The following GALNT18 variants were observed in gnomAD, a reference collection of about 807,000 sequenced individuals.
The protein encoded by GALNT18 is polypeptide N-acetylgalactosaminyltransferase 18.
In GALNT18, 44 loss-of-function variants were observed where a neutral mutation model predicts 69.5. The ratio of observed to expected loss-of-function variants is 0.63; its 90% confidence interval spans 0.50 to 0.81. The LOEUF (loss-of-function observed/expected upper bound fraction) is 0.81. Among genes scored for constraint, GALNT18 ranks in the 40% least tolerant of loss-of-function variants. The pLI, the probability that GALNT18 is intolerant of heterozygous loss-of-function variation, is 0.00. For missense variants in GALNT18, 715 were observed against 810.0 expected, an observed-to-expected ratio of 0.88 and a Z score of 1.42; for synonymous variants, 364 against 318.2, an observed-to-expected ratio of 1.14 and a Z score of -1.53.
In GALNT18 at chr11:11,603,678, T is replaced by G. The variant is rs987032315; in HGVS notation, c.235+17681A>C. On this transcript the variant is annotated intron_variant, in intron 1 of 10. Coordinates refer to ENST00000227756, the MANE Select transcript of GALNT18 (RefSeq NM_198516.3). This position sits in a 1 kb window ranked among gnomAD's most constrained non-coding sequence, Gnocchi z 4.5. The stretch of plus-strand genomic sequence containing the variant: ...AACTCATTTTCTCTCCCTAAAAAGA[T>G]CTATGGATTTTATTGGATCCAGTGT... 6.6e-6 allele frequency among the ~76,000 whole-genome samples: 1 copy of G among 152,198 alleles called. No homozygotes were observed. The highest frequency in any genetic ancestry group is 2.4e-5 in the African/African-American group (1 of 41,456).
Position 11,301,252 on chromosome 11 carries a change from T to C in GALNT18, c.1513-8059A>G, listed in dbSNP as rs368369050. ...GGGAAGAAGGAAGGGAGCCTTGCTTTATTAAATTTCAATTTACAGAGTGCT... is the reference window on the plus strand; with the variant it reads ...GGGAAGAAGGAAGGGAGCCTTGCTTCATTAAATTTCAATTTACAGAGTGCT... On this transcript the variant is annotated intron_variant, in intron 9 of 10. Coordinates refer to ENST00000227756, the MANE Select transcript of GALNT18 (RefSeq NM_198516.3). Among the ~76,000 whole-genome samples, 937 of 152,294 alleles carry C rather than the reference T, an allele frequency of 6.2e-3. 8 individuals carry two copies. The highest frequency in any genetic ancestry group is 0.021 in the African/African-American group (889 of 41,572).
rs1018276593 is a variant in GALNT18 at position 11,538,922 on chromosome 11, C to T, written c.235+82437G>A. Among the ~76,000 whole-genome samples, 2 of 152,070 alleles carry T rather than the reference C, an allele frequency of 1.3e-5. No individual in the cohort carries two copies. Among genetic ancestry groups the T allele is most frequent in the African/African-American group, 4.8e-5 (2 of 41,424 alleles). ...AAAAGATGCTTTGTCAACAGAGGTG[C>T]CCCCCAGATCCCTGGGTGCCGTGGG... is the stretch of plus-strand genomic sequence containing the variant. On this transcript the variant is annotated intron_variant, in intron 1 of 10. Coordinates refer to ENST00000227756, the MANE Select transcript of GALNT18 (RefSeq NM_198516.3). The surrounding 1 kb of genome is among the most constrained non-coding windows in gnomAD (Gnocchi z 5.2).
chr11:11,343,550 G>A (rs922021434), intron 6 of GALNT18, among the ~76,000 whole-genome samples: 3 of 152,090 alleles, frequency 2.0e-5, no homozygotes, highest in Non-Finnish European at 2.9e-5. Flanking sequence ...GAAGGTGGCG[G>A]TGAAGGCCCC....
At chr11:11,537,312 T>A (rs1449421549) in intron 1 of GALNT18, among the ~76,000 whole-genome samples, 18 of 152,008 alleles carry the variant, frequency 1.2e-4, no homozygotes, top group Non-Finnish European at 4.4e-5. Context: ...CAAATAAAGA[T>A]AAATATATTG....
At chr11:11,492,855 T>C (rs1201338566) in intron 1 of GALNT18, among the ~76,000 whole-genome samples, 1 of 152,120 alleles carries the variant, frequency 6.6e-6, no homozygotes, top group Non-Finnish European at 1.5e-5. Context: ...AAGGCACATG[T>C]ATACCTATGT....
In GALNT18 at chr11:11,404,290, C is replaced by T. The variant is rs566472725; in HGVS notation, c.596-25026G>A. 6.6e-6 allele frequency among the ~76,000 whole-genome samples: 1 copy of T among 152,318 alleles called. No individual in the cohort carries two copies. The highest frequency in any genetic ancestry group is 1.9e-4 in the East Asian group (1 of 5,176). ...GAGCCCTGGGCTTCAGTGCCAATGC[C>T]TCTGCCTCACCATCCATCTGTGAAT... On this transcript the variant is annotated intron_variant, in intron 3 of 10. Transcript: ENST00000227756. This position sits in a 1 kb window ranked among gnomAD's most constrained non-coding sequence, Gnocchi z 4.5.
rs1860150027 is a variant in GALNT18 at position 11,620,047 on chromosome 11, G to A, written c.235+1312C>T. 6.6e-6 allele frequency among the ~76,000 whole-genome samples: 1 copy of A among 151,912 alleles called. No individual in the cohort carries two copies. The highest frequency in any genetic ancestry group is 1.5e-5 in the Non-Finnish European group (1 of 67,954). On this transcript the variant is annotated intron_variant, in intron 1 of 10. Coordinates refer to ENST00000227756, the MANE Select transcript of GALNT18 (RefSeq NM_198516.3). The surrounding 1 kb of genome is among the most constrained non-coding windows in gnomAD (Gnocchi z 6.9). ...ACCTGGGGAAACACCAAATTCAGAC[G>A]GAGGAGCCATCTCTACTCTGGCAAG... is the stretch of plus-strand genomic sequence containing the variant.
At chr11:11,364,668 T>G (rs138495292) in intron 6 of GALNT18, among the ~76,000 whole-genome samples, 7 of 152,344 alleles carry the variant, frequency 4.6e-5, no homozygotes, top group African/African-American at 1.7e-4. Context: ...CAAAAACTTA[T>G]GAGAGAATTA....
At position 11,293,213 on chromosome 11, in the gene GALNT18, G is replaced by T; in HGVS notation, c.1513-20C>A. On this transcript the variant is annotated intron_variant, in intron 9 of 10. Coordinates refer to ENST00000227756, the MANE Select transcript of GALNT18 (RefSeq NM_198516.3). The stretch of plus-strand genomic sequence containing the variant: ...CACGTTCTGGGGGCGGAGGGAGGGA[G>T]AGAGTGTGGATAAATGCCAATGGCC... 7.6e-7 allele frequency: 1 copy of T among 1,317,478 alleles called. No homozygotes were observed. The highest frequency in any genetic ancestry group is 9.8e-7 in the Non-Finnish European group (1 of 1,024,222). The allele number at this position is 1,317,478 out of a possible 1,614,324, so 81.6% of individuals were successfully genotyped here.
rs1461480941 is a variant in GALNT18, at chr11:11,596,475, TAA to T, written c.235+24882_235+24883del. Among the ~76,000 whole-genome samples the T allele has an allele frequency of 6.6e-6, 1 of 152,232 alleles. No homozygotes were observed. The highest frequency in any genetic ancestry group is 6.5e-5 in the Admixed American group (1 of 15,286). On this transcript the variant is annotated intron_variant, in intron 1 of 10. Coordinates refer to ENST00000227756, the MANE Select transcript of GALNT18 (RefSeq NM_198516.3). The surrounding 1 kb of genome is among the most constrained non-coding windows in gnomAD (Gnocchi z 4.2). ...TGAAGTATTGCCATCTTAACAATAT[TAA>T]GTCTTGCAGTCCATGAACATGAGAT...
chr11:11,312,539 T>C (rs1328531705), intron 9 of GALNT18, among the ~76,000 whole-genome samples: 1 of 151,950 alleles, frequency 6.6e-6, no homozygotes, highest in Non-Finnish European at 1.5e-5. Context: ...AGAGGAGGGG[T>C]TGTCTTGCTG....
chr11:11,519,129 A>G (rs1590068035), intron 1 of GALNT18, among the ~76,000 whole-genome samples: 1 of 152,174 alleles, frequency 6.6e-6, no homozygotes, highest in Non-Finnish European at 1.5e-5. Context: ...GGAGGCTGCA[A>G]TCTAGCCCAC....
rs963848592 is a variant in GALNT18, at chr11:11,373,222, G to C, written c.978-593C>G. Among the ~76,000 whole-genome samples the C allele has an allele frequency of 1.9e-4, 29 of 152,148 alleles. 1 individual carries two copies. The highest frequency in any genetic ancestry group is 1.9e-3 in the Admixed American group (29 of 15,274). On this transcript the variant is annotated intron_variant, in intron 5 of 10. Transcript: ENST00000227756. ...GGCAGCTGTGGGTGAGTGACCAGAG[G>C]GTAAGGGGTGGGAATTGAGGGGCCC...
In GALNT18 at chr11:11,500,248, T is replaced by C. The variant is rs941921958; in HGVS notation, c.236-51312A>G. Among the ~76,000 whole-genome samples the C allele has an allele frequency of 5.3e-5, 8 of 152,308 alleles. No individual in the cohort carries two copies. The highest frequency in any genetic ancestry group is 3.4e-3 in the Middle Eastern group (1 of 294). On this transcript the variant is annotated intron_variant, in intron 1 of 10. Transcript: ENST00000227756. The surrounding 1 kb of genome is among the most constrained non-coding windows in gnomAD (Gnocchi z 5.0). Reference sequence around the variant, plus strand: ...AAGTATAGATCCAGACAGGTAGCGTTCACTGCCAAGAACCTGCAGGAGGCT... The same window carrying C: ...AAGTATAGATCCAGACAGGTAGCGTCCACTGCCAAGAACCTGCAGGAGGCT...
chr11:11,298,490 G>C (rs954797803), intron 9 of GALNT18, among the ~76,000 whole-genome samples: 2 of 152,242 alleles, frequency 1.3e-5, no homozygotes, highest in African/African-American at 4.8e-5. Context: ...CCCATTCCTT[G>C]GAGGGGCTCT....
intron 3 of GALNT18, among the ~76,000 whole-genome samples, chr11:11,429,055 C>T (rs1425475854): frequency 6.6e-6 from 1 of 152,160 alleles, no homozygotes; most frequent in Non-Finnish European, 1.5e-5. Flanking sequence ...AAAAATCTCC[C>T]CTCACTGCCT....
In GALNT18 at chr11:11,541,646, G is replaced by C. The variant is rs1281991603; in HGVS notation, c.235+79713C>G. On this transcript the variant is annotated intron_variant, in intron 1 of 10. Transcript: ENST00000227756. This position sits in a 1 kb window ranked among gnomAD's most constrained non-coding sequence, Gnocchi z 4.8. Reference sequence around the variant, plus strand: ...TCTGCCTTCAGATCTGATATCCAAGGCTCCCTCTCAAGGGCCTCATGCTAG... The same window carrying C: ...TCTGCCTTCAGATCTGATATCCAAGCCTCCCTCTCAAGGGCCTCATGCTAG... 6.6e-6 allele frequency among the ~76,000 whole-genome samples: 1 copy of C among 152,034 alleles called. No individual in the cohort carries two copies. Among genetic ancestry groups the C allele is most frequent in the Admixed American group, 6.6e-5 (1 of 15,252 alleles).
rs1355738714 is a variant in GALNT18 at position 11,421,196 on chromosome 11, T to C, written c.595+11425A>G. Reference sequence around the variant, plus strand: ...CACACCACTGCCAGGCTCAGGCAGCTTCAGCGGTGCAGCATGTTGGGACCT... The same window carrying C: ...CACACCACTGCCAGGCTCAGGCAGCCTCAGCGGTGCAGCATGTTGGGACCT... On this transcript the variant is annotated intron_variant, in intron 3 of 10. Transcript: ENST00000227756. The surrounding 1 kb of genome is among the most constrained non-coding windows in gnomAD (Gnocchi z 5.6). Among the ~76,000 whole-genome samples the C allele has an allele frequency of 6.9e-6, 1 of 145,118 alleles. No homozygotes were observed. Among genetic ancestry groups the C allele is most frequent in the Non-Finnish European group, 1.5e-5 (1 of 67,176 alleles).
At position 11,538,669 on chromosome 11, in the gene GALNT18, C is replaced by T. The variant is rs1393147478; in HGVS notation, c.235+82690G>A. ...AGTCCTCCCTTCCTAGAGGTGCCTCCCGGAGCTCTGGTTTCCCAGTCAGTA... is the reference window on the plus strand; with the variant it reads ...AGTCCTCCCTTCCTAGAGGTGCCTCTCGGAGCTCTGGTTTCCCAGTCAGTA... On this transcript the variant is annotated intron_variant, in intron 1 of 10. Coordinates refer to ENST00000227756, the MANE Select transcript of GALNT18 (RefSeq NM_198516.3). This position sits in a 1 kb window ranked among gnomAD's most constrained non-coding sequence, Gnocchi z 5.2. Among the ~76,000 whole-genome samples the T allele has an allele frequency of 6.6e-6, 1 of 152,192 alleles. No homozygotes were observed. Among genetic ancestry groups the T allele is most frequent in the African/African-American group, 2.4e-5 (1 of 41,442 alleles).
Sources: gnomAD v4.1 joint callset for allele counts (sites outside exome capture counted in the v4.1 genomes callset) on GRCh38, gnomAD v4.1.1 for gene constraint, Gnocchi (gnomAD v3.1) non-coding constraint, MANE v1.5 for transcripts, NCBI Gene and HGNC (gene_info 2026-07-23, HGNC 2026-07-21) for gene names.